RETREG1: variants seen among roughly 807,000 people sequenced by gnomAD.
RETREG1 encodes reticulophagy regulator 1.
Under a neutral mutation model 54.8 loss-of-function variants are expected in RETREG1, and 44 were observed. The ratio of observed to expected loss-of-function variants is 0.80; its 90% CI spans 0.63 to 1.03. The LOEUF is 1.03. Ranked by LOEUF, RETREG1 falls within the 50% of genes least tolerant of loss-of-function variation. The pLI, the probability that RETREG1 is intolerant of heterozygous loss-of-function variation, is 0.00. For missense variants in RETREG1, 554 were observed against 605.1 expected (o/e 0.92, Z 0.89); for synonymous variants, 217 against 238.5 (o/e 0.91, Z 0.83).
At chr5:16,606,483 T>A (rs79044501) in intron 1 of RETREG1, among the ~76,000 whole-genome samples, 3,180 of 152,246 alleles carry the variant, frequency 0.021, 118 homozygotes, top group African/African-American at 0.072. Context: ...GTCACTGTAG[T>A]GACACGTGGA....
At chr5:16,560,970 A>G (rs1028153918) in intron 3 of RETREG1, among the ~76,000 whole-genome samples, 4 of 152,076 alleles carry the variant, frequency 2.6e-5, no homozygotes, top group African/African-American at 9.7e-5. Context: ...TAAAAAGACA[A>G]CAATATGAAA....
chr5:16,592,228 A>G (rs72746192), intron 1 of RETREG1, among the ~76,000 whole-genome samples: 52,058 of 152,094 alleles, frequency 0.34, 10,306 homozygotes, highest in Non-Finnish European at 0.45. Context: ...TTCCCATCAA[A>G]AAGTGGGCAA....
At chr5:16,516,655 T>C (rs1740365430) in intron 3 of RETREG1, among the ~76,000 whole-genome samples, 1 of 152,220 alleles carries the variant, frequency 6.6e-6, no homozygotes, top group Non-Finnish European at 1.5e-5. Flanking sequence ...TCTCCCACTC[T>C]TGCCTCTAGT....
chr5:16,616,960 C>G lies in RETREG1; in HGVS notation c.12G>C (p.Pro4=). 7.0e-7 allele frequency: 1 copy of G among 1,433,072 alleles called. No homozygotes were observed. Among genetic ancestry groups the G allele is most frequent in the Non-Finnish European group, 9.1e-7 (1 of 1,095,790 alleles). The allele number at this position is 1,433,072 out of a possible 1,614,324, so 88.8% of individuals were successfully genotyped here. Residue 4 remains proline, a synonymous_variant, in exon 1 of 9, where the codon CCG becomes CCC. Coordinates refer to ENST00000306320, the MANE Select transcript of RETREG1 (RefSeq NM_001034850.3). ...CCTCCTCGGCGTGCTCCGGAGGCGCCGGGCTCGCCATCTTCAGCTGTGCTT... is the reference window on the plus strand; with the variant it reads ...CCTCCTCGGCGTGCTCCGGAGGCGCGGGGCTCGCCATCTTCAGCTGTGCTT... MAS[P]APPEHAEEGC... is the part of the protein sequence containing the mutation.
chr5:16,526,539 C>T (rs888283399), intron 3 of RETREG1, among the ~76,000 whole-genome samples: 1 of 152,108 alleles, frequency 6.6e-6, no homozygotes, highest in African/African-American at 2.4e-5. Context: ...CTGGCATATT[C>T]CAGAAGTAGG....
rs1742172428 is a variant in RETREG1 at position 16,571,517 on chromosome 5, TA to T, written c.427+478del. On this transcript the variant is annotated intron_variant, in intron 2 of 8. Transcript: ENST00000306320. ...ACCTCAGGCCAATTTTTTTTTTTTT[TA>T]AACCAAGCTCTTGCTTTTAAACTTA... is the stretch of plus-strand genomic sequence containing the variant. 4.1e-5 allele frequency among the ~76,000 whole-genome samples: 6 copies of T among 147,228 alleles called. No individual in the cohort carries two copies. In the South Asian group the frequency reaches 1.3e-3, roughly 32 times the overall value.
In RETREG1 at chr5:16,473,294, G is replaced by GTAAC; in HGVS notation, c.*1443_*1446dup. ...AAAAAGCAAGTGTTCAAAGTCTTCA[G>GTAAC]TAACTCTTCTCCCTTTAACATTTGG... On this transcript the variant is annotated 3_prime_UTR_variant, in exon 9 of 9. Coordinates refer to ENST00000306320, the MANE Select transcript of RETREG1 (RefSeq NM_001034850.3). The GTAAC allele has an allele frequency of 6.6e-6, 1 of 152,528 alleles. No homozygotes were observed. Among genetic ancestry groups the GTAAC allele is most frequent in the Non-Finnish European group, 1.5e-5 (1 of 67,994 alleles). 9.4% of individuals were successfully genotyped at this position (152,528 alleles called of 1,614,324 possible).
In RETREG1 at chr5:16,558,484, G is replaced by T. The variant is rs187884746; in HGVS notation, c.458+7279C>A. Among the ~76,000 whole-genome samples, 685 of 152,242 alleles carry T rather than the reference G, an allele frequency of 4.5e-3. 3 individuals are homozygous for T. The highest frequency in any genetic ancestry group is 6.6e-3 in the Non-Finnish European group (451 of 68,010). ...TAATCTGTTACAGCAACACAAAACAGACTAAAACAACAATGTATCCTTCAC... is the reference window on the plus strand; with the variant it reads ...TAATCTGTTACAGCAACACAAAACATACTAAAACAACAATGTATCCTTCAC... On this transcript the variant is annotated intron_variant, in intron 3 of 8. Transcript: ENST00000306320.
chr5:16,481,818 C>A (rs1190740909), intron 4 of RETREG1, among the ~76,000 whole-genome samples: 1 of 151,976 alleles, frequency 6.6e-6, no homozygotes, highest in African/African-American at 2.4e-5. Flanking sequence ...TCCTTAATTC[C>A]CTTTAGAAAC....
chr5:16,479,750 G>T (rs750084202), intron 5 of RETREG1, among the ~76,000 whole-genome samples: 1 of 152,038 alleles, frequency 6.6e-6, no homozygotes, highest in Admixed American at 6.6e-5. Flanking sequence ...TTCTTTGTTC[G>T]TTTTAGGAAG....
At chr5:16,569,072 A>G (rs1377600557) in intron 2 of RETREG1, among the ~76,000 whole-genome samples, 1 of 152,098 alleles carries the variant, frequency 6.6e-6, no homozygotes, top group Non-Finnish European at 1.5e-5. Context: ...TCTAACGTGA[A>G]GCCAAACTGT....
chr5:16,515,227 T>C (rs984590746), intron 3 of RETREG1, among the ~76,000 whole-genome samples: 2 of 152,060 alleles, frequency 1.3e-5, no homozygotes, highest in African/African-American at 4.8e-5. Flanking sequence ...ACCAGCAGTG[T>C]AAAAGGGTTC....
At chr5:16,541,921 A>G (rs1265647566) in intron 3 of RETREG1, among the ~76,000 whole-genome samples, 1 of 152,172 alleles carries the variant, frequency 6.6e-6, no homozygotes, top group Non-Finnish European at 1.5e-5. Context: ...GTTTCCTAAG[A>G]GAAATTACAC....
intron 3 of RETREG1, among the ~76,000 whole-genome samples, chr5:16,525,849 G>A (rs1740702729): frequency 6.6e-6 from 1 of 152,116 alleles, no homozygotes; most frequent in Non-Finnish European, 1.5e-5. Context: ...CCAACGGGCT[G>A]AAAATTCCAT....
intron 1 of RETREG1, among the ~76,000 whole-genome samples, chr5:16,615,173 G>A (rs945822428): frequency 1.3e-5 from 2 of 151,972 alleles, no homozygotes; most frequent in Non-Finnish European, 2.9e-5. Flanking sequence ...CGAGGCGGAC[G>A]GATCACGAGG....
chr5:16,521,171 T>C (rs767005188), intron 3 of RETREG1, among the ~76,000 whole-genome samples: 5 of 152,198 alleles, frequency 3.3e-5, no homozygotes, highest in Admixed American at 6.5e-5. Context: ...CCTCTTCTCA[T>C]TAAAACATAA....
intron 3 of RETREG1, among the ~76,000 whole-genome samples, chr5:16,491,434 G>A (rs188460774): frequency 8.7e-4 from 133 of 152,124 alleles, no homozygotes; most frequent in African/African-American, 3.0e-3. Flanking sequence ...ACATCTATGA[G>A]GCACATAAAA....
At chr5:16,596,549 G>A (rs1446423160) in intron 1 of RETREG1, among the ~76,000 whole-genome samples, 3 of 152,214 alleles carry the variant, frequency 2.0e-5, no homozygotes, top group Non-Finnish European at 2.9e-5. Flanking sequence ...TCACAGACTA[G>A]AATATTTGTT....
At chr5:16,546,422 C>G (rs1227600799) in intron 3 of RETREG1, among the ~76,000 whole-genome samples, 1 of 152,210 alleles carries the variant, frequency 6.6e-6, no homozygotes, top group African/African-American at 2.4e-5. Context: ...CCTGCCTTGG[C>G]CTCCCAAAGT....
Sources: gnomAD v4.1 joint callset for allele counts (sites outside exome capture counted in the v4.1 genomes callset) on GRCh38, gnomAD v4.1.1 for gene constraint, MANE v1.5 for transcripts, NCBI Gene and HGNC (gene_info 2026-07-23, HGNC 2026-07-21) for gene names.